Variants in BCKDHB observed in about 807,000 individuals in gnomAD.
BCKDHB encodes 2-oxoisovalerate dehydrogenase subunit beta, mitochondrial.
A neutral mutation model predicts 48.5 loss-of-function variants in BCKDHB; 41 were observed. That is an observed-to-expected ratio of 0.85 (90% CI 0.66 to 1.10). The LOEUF (loss-of-function observed/expected upper bound fraction) is 1.10. Among genes scored for constraint, BCKDHB ranks in the 50% least tolerant of loss-of-function variants. The probability of loss-of-function intolerance (pLI) is 0.00; values close to 1 mark genes in which losing one functional copy is unlikely to be tolerated. For synonymous variants in BCKDHB, 201 were observed against 174.8 expected, an observed-to-expected ratio of 1.15 and a Z score of -1.18; for missense variants, 496 against 494.2, an observed-to-expected ratio of 1.00 and a Z score of -0.03.
intron 6 of BCKDHB, among the ~76,000 whole-genome samples, chr6:80,183,078 T>C (rs1483304729): frequency 6.6e-6 from 1 of 152,174 alleles, no homozygotes; most frequent in Non-Finnish European, 1.5e-5. Flanking sequence ...TATATATATG[T>C]GTATGTAGAA....
chr6:80,313,191 C>T (rs1022922089), intron 9 of BCKDHB, among the ~76,000 whole-genome samples: 2 of 152,140 alleles, frequency 1.3e-5, no homozygotes, highest in Non-Finnish European at 2.9e-5. Context: ...TCCATTTCTT[C>T]TGTATTTTCT....
At chr6:80,350,863 G>A (rs946233179), downstream of BCKDHB, among the ~76,000 whole-genome samples, 1 of 152,110 alleles carries the variant, frequency 6.6e-6, no homozygotes, top group African/African-American at 2.4e-5. Flanking sequence ...CATCCTCAAT[G>A]TTTTATTGGT....
the BCKDHB span, among the ~76,000 whole-genome samples, chr6:80,386,266 A>G: frequency 7.3e-5 from 11 of 151,650 alleles, no homozygotes; most frequent in Non-Finnish European, 1.0e-4. Flanking sequence ...ATCCATGCCT[A>G]TATTTGTTGC....
intron 6 of BCKDHB, among the ~76,000 whole-genome samples, chr6:80,197,257 CTA>C (rs1774173849): frequency 6.6e-6 from 1 of 152,160 alleles, no homozygotes; most frequent in African/African-American, 2.4e-5. Context: ...TAAGAAGTAT[CTA>C]TGAATTCTAG....
intron 6 of BCKDHB, among the ~76,000 whole-genome samples, chr6:80,193,360 A>G (rs1257013637): frequency 1.3e-5 from 2 of 152,158 alleles, no homozygotes; most frequent in Admixed American, 6.5e-5. Flanking sequence ...ATCCTCTGAA[A>G]CAATAACAGT....
At chr6:80,427,342 T>C in the BCKDHB span, among the ~76,000 whole-genome samples, 2 of 152,100 alleles carry the variant, frequency 1.3e-5, no homozygotes, top group Non-Finnish European at 2.9e-5. Context: ...ACTTTATATA[T>C]AGTGTAAGAA....
rs142221036 is a variant in BCKDHB, at chr6:80,229,057, T to C, written c.951+25845T>C. ...TGAAGGCATTCTCGTTAAAACTGTG[T>C]ATTCCTTCCATTGTTTTTTTCATTT... On this transcript the variant is annotated intron_variant, in intron 8 of 9. Transcript: ENST00000320393. Among the ~76,000 whole-genome samples the C allele has an allele frequency of 5.2e-3, 797 of 152,346 alleles. 2 individuals carry two copies. The highest frequency in any genetic ancestry group is 0.018 in the African/African-American group (749 of 41,582).
chr6:80,179,376 A>G (rs1773309772), intron 6 of BCKDHB, among the ~76,000 whole-genome samples: 1 of 152,222 alleles, frequency 6.6e-6, no homozygotes, highest in Non-Finnish European at 1.5e-5. Context: ...TGAAAAAATA[A>G]TTACACTGAA....
At chr6:80,404,718 C>T in the BCKDHB span, among the ~76,000 whole-genome samples, 1 of 151,972 alleles carries the variant, frequency 6.6e-6, no homozygotes, top group African/African-American at 2.4e-5. Flanking sequence ...CTTCTTAGAA[C>T]TGCTTTTGCT....
At chr6:80,130,782 C>T (rs1368760590) in intron 3 of BCKDHB, among the ~76,000 whole-genome samples, 4 of 152,140 alleles carry the variant, frequency 2.6e-5, no homozygotes, top group Non-Finnish European at 1.5e-5. Flanking sequence ...ATATATACTT[C>T]TAGACTGTAT....
chr6:80,405,630 A>G, the BCKDHB span, among the ~76,000 whole-genome samples: 2 of 51,130 alleles, frequency 3.9e-5, no homozygotes, highest in African/African-American at 6.5e-5. Context: ...TGTCTTGATG[A>G]TTTAATAATT....
the BCKDHB span, among the ~76,000 whole-genome samples, chr6:80,372,615 T>G: frequency 2.0e-5 from 3 of 152,172 alleles, no homozygotes; most frequent in African/African-American, 4.8e-5. Context: ...TTCCTCAATG[T>G]GTGTCCCTTC....
chr6:80,227,285 A>G (rs1775719566), intron 8 of BCKDHB, among the ~76,000 whole-genome samples: 1 of 152,224 alleles, frequency 6.6e-6, no homozygotes, highest in Non-Finnish European at 1.5e-5. Context: ...GTATTACAGC[A>G]TTAGAGAACT....
At chr6:80,374,359 C>T in the BCKDHB span, 5 of 846,430 alleles carry the variant, frequency 5.9e-6, no homozygotes, top group African/African-American at 1.7e-5. Context: ...TTGGCCTGGG[C>T]ACACCTGCCA....
At chr6:80,411,414 G>T in the BCKDHB span, among the ~76,000 whole-genome samples, 1 of 152,184 alleles carries the variant, frequency 6.6e-6, no homozygotes, top group African/African-American at 2.4e-5. Flanking sequence ...AGGCTACATG[G>T]GGTCAGGGAC....
chr6:80,170,067 G>A (rs926884544), intron 5 of BCKDHB: 1 of 446,488 alleles, frequency 2.2e-6, no homozygotes, highest in East Asian at 1.6e-4. Flanking sequence ...CAGCTGAAAT[G>A]AAAATATACT....
the BCKDHB span, among the ~76,000 whole-genome samples, chr6:80,425,252 A>G: frequency 6.6e-6 from 1 of 152,168 alleles, no homozygotes; most frequent in Non-Finnish European, 1.5e-5. Flanking sequence ...AAAAAAAGAC[A>G]ACTAACATTC....
the BCKDHB span, among the ~76,000 whole-genome samples, chr6:80,372,992 C>T: frequency 3.2e-4 from 48 of 152,172 alleles, no homozygotes; most frequent in African/African-American, 1.1e-3. Flanking sequence ...TTCCTTCTTT[C>T]TCTATCTGTG....
chr6:80,174,574 C>T (rs958312870), intron 6 of BCKDHB, among the ~76,000 whole-genome samples: 1 of 152,136 alleles, frequency 6.6e-6, no homozygotes. Context: ...TGGACCCCTC[C>T]AGTTCAAACT....
Sources: allele counts gnomAD v4.1 joint callset (sites outside exome capture counted in the v4.1 genomes callset), GRCh38; gene constraint gnomAD v4.1.1; transcripts MANE v1.5; gene names NCBI Gene and HGNC (gene_info 2026-07-23, HGNC 2026-07-21).